C12orf54: variants seen among roughly 807,000 people sequenced by gnomAD.
C12orf54 encodes uncharacterized protein C12orf54.
A neutral mutation model predicts 26.4 loss-of-function variants in C12orf54; 24 were observed. The ratio of observed to expected loss-of-function variants is 0.91; its 90% CI spans 0.66 to 1.28. The LOEUF is 1.28. Ranked by LOEUF, C12orf54 falls within the 50% of genes most tolerant of loss-of-function variation. The pLI is 0.00. For synonymous variants in C12orf54, 54 were observed against 47.0 expected, an observed-to-expected ratio of 1.15 and a Z score of -0.61; for missense variants, 154 against 150.9, an observed-to-expected ratio of 1.02 and a Z score of -0.11.
the C12orf54 span, among the ~76,000 whole-genome samples, chr12:48,433,517 G>A: frequency 2.6e-5 from 4 of 151,516 alleles, no homozygotes; most frequent in African/African-American, 7.3e-5. Context: ...GCTCAATCTC[G>A]GCTCACTGCA....
chr12:48,489,987 G>T (rs1263948810), intron 5 of C12orf54, among the ~76,000 whole-genome samples: 1 of 152,092 alleles, frequency 6.6e-6, no homozygotes, highest in Non-Finnish European at 1.5e-5. Flanking sequence ...CTCCCAAAGT[G>T]CTGGGATTAC....
the C12orf54 span, among the ~76,000 whole-genome samples, chr12:48,435,734 G>C: frequency 6.6e-6 from 1 of 151,962 alleles, no homozygotes; most frequent in Non-Finnish European, 1.5e-5. Context: ...CACCAAGCCT[G>C]CCCTAAAAGA....
chr12:48,477,972 G>T (rs1333911432), upstream of C12orf54, among the ~76,000 whole-genome samples: 2 of 152,148 alleles, frequency 1.3e-5, no homozygotes, highest in African/African-American at 4.8e-5. Context: ...CAATATCCTT[G>T]ATGAACATTG....
chr12:48,443,797 C>T, the C12orf54 span, among the ~76,000 whole-genome samples: 1 of 152,228 alleles, frequency 6.6e-6, no homozygotes, highest in African/African-American at 2.4e-5. Context: ...CAGGAGAACC[C>T]TTCAGCTCTA....
At chr12:48,430,182 G>C in the C12orf54 span, among the ~76,000 whole-genome samples, 1 of 152,048 alleles carries the variant, frequency 6.6e-6, no homozygotes, top group African/African-American at 2.4e-5. Flanking sequence ...TAAACCTAAG[G>C]CATGAAACTA....
the C12orf54 span, among the ~76,000 whole-genome samples, chr12:48,414,789 T>G: frequency 1.3e-5 from 2 of 152,164 alleles, no homozygotes; most frequent in African/African-American, 2.4e-5. Flanking sequence ...GGAAAGACCA[T>G]GGAGTGAGGC....
upstream of C12orf54, among the ~76,000 whole-genome samples, chr12:48,480,924 A>T (rs1227745991): frequency 6.7e-6 from 1 of 149,620 alleles, no homozygotes; most frequent in Non-Finnish European, 1.5e-5. Context: ...AACAACATGG[A>T]TGTAGATGGA....
the C12orf54 span, among the ~76,000 whole-genome samples, chr12:48,461,474 C>T: frequency 6.6e-6 from 1 of 151,734 alleles, no homozygotes; most frequent in Non-Finnish European, 1.5e-5. Flanking sequence ...CTGAGAGAGA[C>T]CACATTCTGG....
At chr12:48,481,890 G>A (rs1170024828), upstream of C12orf54, among the ~76,000 whole-genome samples, 1 of 152,118 alleles carries the variant, frequency 6.6e-6, no homozygotes, top group Non-Finnish European at 1.5e-5. Flanking sequence ...GGAGAAGCTG[G>A]CCCTTGGTTC....
the C12orf54 span, among the ~76,000 whole-genome samples, chr12:48,435,765 AC>A: frequency 6.6e-6 from 1 of 152,352 alleles, no homozygotes; most frequent in East Asian, 1.9e-4. Context: ...GAAGCACTAA[AC>A]ATGGAAAGGA....
the C12orf54 span, among the ~76,000 whole-genome samples, chr12:48,449,874 T>TTG: frequency 6.6e-6 from 1 of 152,042 alleles, no homozygotes; most frequent in Middle Eastern, 3.2e-3. Context: ...TTCCCACGTG[T>TTG]TGTGGGAGGG....
the C12orf54 span, among the ~76,000 whole-genome samples, chr12:48,458,924 T>C: frequency 6.6e-5 from 10 of 152,254 alleles, no homozygotes; most frequent in South Asian, 1.9e-3. Flanking sequence ...TTTTCTCTCA[T>C]CTTTGCTGCC....
intron 7 of C12orf54, among the ~76,000 whole-genome samples, chr12:48,493,950 G>T (rs182654345): frequency 5.1e-4 from 77 of 151,600 alleles, no homozygotes; most frequent in African/African-American, 1.8e-3. Flanking sequence ...CAGGTGCGGT[G>T]GCTCATGCCT....
intron 4 of C12orf54, among the ~76,000 whole-genome samples, 154 bp downstream of exon 4, chr12:48,486,880 G>A (rs184482213): frequency 1.8e-4 from 28 of 152,260 alleles, no homozygotes; most frequent in Admixed American, 5.2e-4. Flanking sequence ...TCTGTTGCTC[G>A]TGCAGTCTCA....
chr12:48,472,715 C>T, the C12orf54 span: 63 of 1,614,044 alleles, frequency 3.9e-5, no homozygotes, highest in East Asian at 5.8e-4. Context: ...GGACGCCCTC[C>T]GATGTGAAAG....
intron 5 of C12orf54, among the ~76,000 whole-genome samples, chr12:48,490,499 A>G (rs527980528): frequency 6.6e-6 from 1 of 152,130 alleles, no homozygotes; most frequent in Non-Finnish European, 1.5e-5. Flanking sequence ...CTAAAAATGC[A>G]AAAATTAGTC....
At chr12:48,413,626 G>T in the C12orf54 span, among the ~76,000 whole-genome samples, 2 of 152,196 alleles carry the variant, frequency 1.3e-5, no homozygotes, top group Non-Finnish European at 2.9e-5. Flanking sequence ...CACCCTAGTT[G>T]CAGACTTTGT....
At chr12:48,485,718 T>C (rs1056217303) in intron 2 of C12orf54, among the ~76,000 whole-genome samples, 3 of 152,210 alleles carry the variant, frequency 2.0e-5, no homozygotes, top group African/African-American at 7.2e-5. Flanking sequence ...TTCTTCAGCC[T>C]TCCATCCCCA....
At position 48,494,864 on chromosome 12, in the gene C12orf54, G is replaced by GCAGC. The variant is rs1435406697; in HGVS notation, c.312_315dup (p.Ser106AlafsTer52). The GCAGC allele has an allele frequency of 6.2e-7, 1 of 1,613,232 alleles. No homozygotes were observed. The highest frequency in any genetic ancestry group is 1.3e-5 in the African/African-American group (1 of 74,898). ...GAAGATTGCAGTTCAGCTCTGGAGA[G>GCAGC]CAGCCATCAGGAGGCCGTATCCACA... On this transcript the variant is annotated frameshift_variant, in exon 8 of 9. Coordinates refer to ENST00000548364, the MANE Select transcript of C12orf54 (RefSeq NM_152319.4). LOFTEE classifies it high-confidence loss of function.
Sources: gnomAD v4.1 joint callset for allele counts (sites outside exome capture counted in the v4.1 genomes callset) on GRCh38, gnomAD v4.1.1 for gene constraint, MANE v1.5 for transcripts, NCBI Gene and HGNC (gene_info 2026-07-23, HGNC 2026-07-21) for gene names.